The following CSF2RA variants were observed in gnomAD, a reference collection of about 807,000 sequenced individuals.
CSF2RA encodes granulocyte-macrophage colony-stimulating factor receptor subunit alpha.
CSF2RA carries 42 observed loss-of-function variants against 51.6 expected under a neutral mutation model. The ratio of observed to expected loss-of-function variants is 0.81; its 90% confidence interval spans 0.64 to 1.05. The LOEUF (loss-of-function observed/expected upper bound fraction) is 1.05. Ranked by LOEUF, CSF2RA falls within the 50% of genes least tolerant of loss-of-function variation. The probability of loss-of-function intolerance (pLI) is 0.00; values close to 1 mark genes in which losing one functional copy is unlikely to be tolerated. For synonymous variants in CSF2RA, 222 were observed against 193.0 expected, an observed-to-expected ratio of 1.15 and a Z score of -1.24; for missense variants, 530 against 501.1, an observed-to-expected ratio of 1.06 and a Z score of -0.55.
At chrX:1,314,991 A>ACTTGCCCAACCCCTCTGTG (rs1569515192), downstream of CSF2RA, among the ~76,000 whole-genome samples, 1 of 102,132 alleles carries the variant, frequency 9.8e-6, no homozygotes, top group African/African-American at 3.5e-5. Flanking sequence ...ATCGCACTGC[A>ACTTGCCCAACCCCTCTGTG]CCTGCCCAAC....
At chrX:1,282,895 G>C in intron 3 of CSF2RA, 116 bp downstream of exon 3, 1 of 930,408 alleles carries the variant, frequency 1.1e-6, no homozygotes, top group Non-Finnish European at 1.8e-6. Flanking sequence ...GTTTATGAGG[G>C]ACCCAATAAG....
At chrX:1,304,520 C>T (rs2083350243) in intron 11 of CSF2RA, among the ~76,000 whole-genome samples, 1 of 151,594 alleles carries the variant, frequency 6.6e-6, no homozygotes, top group Non-Finnish European at 1.5e-5. Context: ...ATGGAACAGG[C>T]AGTCAGCTGT....
At chrX:1,321,945 G>C in the CSF2RA span, among the ~76,000 whole-genome samples, 1 of 151,998 alleles carries the variant, frequency 6.6e-6, no homozygotes, top group Non-Finnish European at 1.5e-5. Context: ...AGACCAGCCT[G>C]ACCAACGTGG....
At chrX:1,270,629 G>A (rs1487836833) in intron 1 of CSF2RA, among the ~76,000 whole-genome samples, 1 of 151,958 alleles carries the variant, frequency 6.6e-6, no homozygotes. Flanking sequence ...TTCTGTGTCT[G>A]TTCAGTCCTC....
At chrX:1,300,002 G>T (rs770980938) in intron 9 of CSF2RA, among the ~76,000 whole-genome samples, 2 of 151,918 alleles carry the variant, frequency 1.3e-5, no homozygotes, top group African/African-American at 4.8e-5. Context: ...CGGATCACGA[G>T]GTGAGGAGAT....
chrX:1,316,161 T>C, the CSF2RA span, among the ~76,000 whole-genome samples: 1 of 151,624 alleles, frequency 6.6e-6, no homozygotes, highest in Non-Finnish European at 1.5e-5. Flanking sequence ...AGATAGATGA[T>C]AGAAGAGCTA....
intron 1 of CSF2RA, among the ~76,000 whole-genome samples, chrX:1,269,218 A>G (rs1421219947): frequency 7.9e-5 from 12 of 152,176 alleles, no homozygotes; most frequent in African/African-American, 2.7e-4. Context: ...AAAACAATTG[A>G]TTAATGATTG....
At chrX:1,299,471 C>T (rs1333690251) in intron 9 of CSF2RA, among the ~76,000 whole-genome samples, 1 of 152,138 alleles carries the variant, frequency 6.6e-6, no homozygotes, top group East Asian at 1.9e-4. Context: ...GTCCCCCAGG[C>T]TGGAGTGCAG....
chrX:1,319,494 C>A, the CSF2RA span, among the ~76,000 whole-genome samples: 1 of 146,116 alleles, frequency 6.8e-6, no homozygotes, highest in Non-Finnish European at 1.5e-5. Flanking sequence ...CACTATGTTG[C>A]CCAGGCTGGT....
At chrX:1,306,884 A>G (rs1223369432) in intron 12 of CSF2RA, among the ~76,000 whole-genome samples, 5 of 151,632 alleles carry the variant, frequency 3.3e-5, no homozygotes, top group Non-Finnish European at 7.4e-5. Context: ...AGAGACAGAA[A>G]GAGACAGAGA....
chrX:1,296,011 CTCA>C (rs1364011744), intron 9 of CSF2RA, among the ~76,000 whole-genome samples: 7 of 150,812 alleles, frequency 4.6e-5, no homozygotes, highest in East Asian at 2.0e-4. Context: ...CAGTCTCCTA[CTCA>C]CGACGCCTAC....
At chrX:1,310,143 C>T (rs2084095774), downstream of CSF2RA, 1 of 245,736 alleles carries the variant, frequency 4.1e-6, no homozygotes, top group Non-Finnish European at 7.6e-6. Context: ...GCTATGATTG[C>T]ACCGTTGCAC....
chrX:1,302,147 C>T (rs1452357320), intron 10 of CSF2RA, among the ~76,000 whole-genome samples: 2 of 151,462 alleles, frequency 1.3e-5, no homozygotes, highest in African/African-American at 2.4e-5. Context: ...AACTCCTGAC[C>T]TCAGGTGATC....
downstream of CSF2RA, among the ~76,000 whole-genome samples, chrX:1,311,731 G>A (rs1436726667): frequency 5.9e-5 from 9 of 151,948 alleles, no homozygotes; most frequent in Non-Finnish European, 1.0e-4. Flanking sequence ...GTGAGCCACC[G>A]CGTCCAGCCA....
chrX:1,272,039 C>T (rs1482333668), intron 1 of CSF2RA, among the ~76,000 whole-genome samples: 3 of 151,392 alleles, frequency 2.0e-5, no homozygotes, highest in Non-Finnish European at 4.4e-5. Flanking sequence ...CTGCAACCTC[C>T]ACCTTCCAGG....
At chrX:1,315,394 A>AATTTT in the CSF2RA span, among the ~76,000 whole-genome samples, 1 of 151,862 alleles carries the variant, frequency 6.6e-6, no homozygotes, top group African/African-American at 2.4e-5. Context: ...ATGATAGATG[A>AATTTT]ATTTTATTTT....
At position 1,304,766 on chromosome X, in the gene CSF2RA, G is replaced by A. The variant is rs767555394; in HGVS notation, c.1044-680G>A. 7.2e-5 allele frequency among the ~76,000 whole-genome samples: 11 copies of A among 151,772 alleles called. No homozygotes were observed. The South Asian group carries it at 8.4e-4, about 12-fold the overall frequency. ...TGCAACCTCCACCTCCCGGGTTCAC[G>A]CCATTCTCCTGCCTCAGCCTCCCGA... On this transcript the variant is annotated intron_variant, in intron 11 of 12. Coordinates refer to ENST00000381529, the MANE Select transcript of CSF2RA (RefSeq NM_172245.4).
At chrX:1,304,650 T>TTTG (rs1569511424) in intron 11 of CSF2RA, among the ~76,000 whole-genome samples, 5 of 115,910 alleles carry the variant, frequency 4.3e-5, no homozygotes, top group Non-Finnish European at 5.3e-5. Flanking sequence ...GTGGGTTTTT[T>TTTG]TTTGTTTGTT....
At chrX:1,319,540 G>A in the CSF2RA span, among the ~76,000 whole-genome samples, 24 of 149,472 alleles carry the variant, frequency 1.6e-4, 1 homozygote, top group African/African-American at 4.6e-4. Flanking sequence ...CACCCTCCTC[G>A]GCCTCCCAAA....
Sources: gnomAD v4.1 joint callset for allele counts (sites outside exome capture counted in the v4.1 genomes callset) on GRCh38, gnomAD v4.1.1 for gene constraint, MANE v1.5 for transcripts, NCBI Gene and HGNC (gene_info 2026-07-23, HGNC 2026-07-21) for gene names.